Variants in CDH18 observed in about 807,000 individuals in gnomAD.
CDH18 encodes the protein cadherin-18.
In CDH18, 31 loss-of-function variants were observed where a neutral mutation model predicts 67.9. The observed-to-expected ratio is 0.46, with a 90% confidence interval of 0.34 to 0.62. The LOEUF (loss-of-function observed/expected upper bound fraction) is 0.62. Ranked by LOEUF, CDH18 falls within the 20% of genes least tolerant of loss-of-function variation. CDH18 has a pLI of 0.01. For synonymous variants in CDH18, 362 were observed against 347.2 expected (o/e 1.04, Z -0.48); for missense variants, 890 against 975.5 (o/e 0.91, Z 1.17).
intron 3 of CDH18, among the ~76,000 whole-genome samples, chr5:19,771,563 G>A (rs1234812087): frequency 2.0e-5 from 3 of 152,210 alleles, no homozygotes; most frequent in Non-Finnish European, 4.4e-5. Flanking sequence ...TCACAGCCAT[G>A]AGAGTTCCTG....
chr5:20,477,011 G>A (rs1221479571), intron 1 of CDH18, among the ~76,000 whole-genome samples: 3 of 151,910 alleles, frequency 2.0e-5, no homozygotes, highest in East Asian at 1.9e-4. Flanking sequence ...TAATTTCATC[G>A]AGATTACAGA....
At chr5:19,860,901 T>A (rs2149978624) in intron 2 of CDH18, among the ~76,000 whole-genome samples, 1 of 152,288 alleles carries the variant, frequency 6.6e-6, no homozygotes, top group African/African-American at 2.4e-5. Context: ...TTTTCACTCA[T>A]AATTGTCTCT....
intron 9 of CDH18, among the ~76,000 whole-genome samples, chr5:19,525,466 T>G (rs1014015180): frequency 3.9e-5 from 6 of 152,226 alleles, no homozygotes; most frequent in African/African-American, 1.4e-4. Context: ...GAATTTAATC[T>G]TACCTTATTG....
chr5:19,923,265 A>C (rs1226802365), intron 2 of CDH18, among the ~76,000 whole-genome samples: 1 of 152,190 alleles, frequency 6.6e-6, no homozygotes, highest in Middle Eastern at 3.2e-3. Flanking sequence ...CAGCCAACCA[A>C]TTAGACAACC....
At chr5:19,501,864 T>C (rs899129663) in intron 11 of CDH18, among the ~76,000 whole-genome samples, 1 of 152,160 alleles carries the variant, frequency 6.6e-6, no homozygotes, top group African/African-American at 2.4e-5. Context: ...CTAAGTATAT[T>C]TGAATTATAA....
chr5:20,368,718 G>T (rs1292854098), intron 1 of CDH18, among the ~76,000 whole-genome samples: 1 of 152,144 alleles, frequency 6.6e-6, no homozygotes, highest in Admixed American at 6.6e-5. Context: ...GCATGAGCAT[G>T]CAGTACTGGC....
At chr5:20,278,139 A>G (rs928452239) in intron 1 of CDH18, among the ~76,000 whole-genome samples, 7 of 152,192 alleles carry the variant, frequency 4.6e-5, no homozygotes, top group African/African-American at 1.4e-4. Flanking sequence ...AGAAAAATAT[A>G]CAACATTTAA....
intron 2 of CDH18, among the ~76,000 whole-genome samples, chr5:19,902,226 C>T (rs1265014976): frequency 1.3e-5 from 2 of 152,148 alleles, no homozygotes; most frequent in Non-Finnish European, 2.9e-5. Context: ...AACCTAGCCT[C>T]ACTGAGATGG....
At chr5:19,977,096 A>G (rs528211532) in intron 2 of CDH18, among the ~76,000 whole-genome samples, 88 of 152,312 alleles carry the variant, frequency 5.8e-4, no homozygotes, top group African/African-American at 2.0e-3. Flanking sequence ...GAAACAAAGT[A>G]TAATTTGACT....
intron 1 of CDH18, among the ~76,000 whole-genome samples, chr5:20,266,282 GC>G (rs1387452017): frequency 1.3e-5 from 2 of 152,066 alleles, no homozygotes; most frequent in African/African-American, 4.8e-5. Context: ...AATGCTTTAT[GC>G]AGGAAAATAA....
chr5:20,366,385 C>T (rs1742519283), intron 1 of CDH18, among the ~76,000 whole-genome samples: 2 of 152,162 alleles, frequency 1.3e-5, no homozygotes, highest in Non-Finnish European at 2.9e-5. Flanking sequence ...TTTCCTGTTC[C>T]AATGACATGT....
At chr5:19,856,191 G>T (rs948653058) in intron 2 of CDH18, among the ~76,000 whole-genome samples, 9 of 152,226 alleles carry the variant, frequency 5.9e-5, no homozygotes, top group Non-Finnish European at 1.2e-4. Context: ...GCTGAGAGCT[G>T]ATTGGAAATG....
chr5:19,634,589 G>A (rs1752853453), intron 5 of CDH18, among the ~76,000 whole-genome samples: 2 of 152,126 alleles, frequency 1.3e-5, no homozygotes, highest in Admixed American at 1.3e-4. Flanking sequence ...GTTATCATGT[G>A]CCCAGATGAC....
At chr5:20,178,335 T>C (rs998282025) in intron 2 of CDH18, among the ~76,000 whole-genome samples, 3 of 151,946 alleles carry the variant, frequency 2.0e-5, no homozygotes, top group Non-Finnish European at 4.4e-5. Flanking sequence ...TTTCTTTTTA[T>C]CTATCTATGT....
At chr5:19,631,405 T>C (rs1404836792) in intron 5 of CDH18, among the ~76,000 whole-genome samples, 3 of 152,198 alleles carry the variant, frequency 2.0e-5, no homozygotes, top group Non-Finnish European at 4.4e-5. Flanking sequence ...TGATCATGTA[T>C]TAAACTGTAG....
intron 5 of CDH18, among the ~76,000 whole-genome samples, chr5:19,666,147 A>G (rs1034775065): frequency 1.3e-5 from 2 of 151,448 alleles, no homozygotes. Context: ...ATAGCTCCCT[A>G]CAGCCTCAGC....
chr5:19,604,944 A>C (rs1747789666), intron 6 of CDH18, among the ~76,000 whole-genome samples: 1 of 152,040 alleles, frequency 6.6e-6, no homozygotes, highest in African/African-American at 2.4e-5. Flanking sequence ...AAAGACTATT[A>C]GAAATTTTAA....
At chr5:20,050,877 T>C (rs1357236412) in intron 2 of CDH18, among the ~76,000 whole-genome samples, 1 of 151,832 alleles carries the variant, frequency 6.6e-6, no homozygotes, top group African/African-American at 2.4e-5. Flanking sequence ...TTTCTTTTTC[T>C]TTTTTTGATA....
rs538286151 is a variant in CDH18 at position 20,173,112 on chromosome 5, A to T, written c.-518+82332T>A. 6.8e-4 allele frequency among the ~76,000 whole-genome samples: 103 copies of T among 152,292 alleles called. 2 individuals are homozygous for T. The highest frequency in any genetic ancestry group is 6.0e-3 in the Admixed American group (91 of 15,288). On this transcript the variant is annotated intron_variant, in intron 2 of 14. Coordinates refer to the CDH18 transcript ENST00000507958. Reference sequence around the variant, plus strand: ...ACAGATCTGCAAGAGGCTAATGTGAACCACTGACCTAGTGAGTGGGAAATG... The same window carrying T: ...ACAGATCTGCAAGAGGCTAATGTGATCCACTGACCTAGTGAGTGGGAAATG...
Sources: allele counts gnomAD v4.1 joint callset (sites outside exome capture counted in the v4.1 genomes callset), GRCh38; gene constraint gnomAD v4.1.1; transcripts MANE v1.5; gene names NCBI Gene and HGNC (gene_info 2026-07-23, HGNC 2026-07-21).